Variants in TIMM23 observed in about 807,000 individuals in gnomAD.
The protein encoded by TIMM23 is mitochondrial import inner membrane translocase subunit Tim23.
TIMM23 carries 19 observed loss-of-function variants against 30.7 expected under a neutral mutation model. The ratio of observed to expected loss-of-function variants is 0.62; its 90% CI spans 0.43 to 0.91. The LOEUF (loss-of-function observed/expected upper bound fraction) is 0.91. Ranked by LOEUF, TIMM23 falls within the 40% of genes least tolerant of loss-of-function variation. The pLI, the probability that TIMM23 is intolerant of heterozygous loss-of-function variation, is 0.00. For missense variants in TIMM23, 202 were observed against 269.2 expected (o/e 0.75, Z 1.75); for synonymous variants, 78 against 98.5 (o/e 0.79, Z 1.23).
In TIMM23 at chr10:45,982,920, A is replaced by G. The variant is rs61849498; in HGVS notation, c.334A>G (p.Arg112Gly). Residue 112 changes from arginine to glycine, a missense_variant, in exon 4 of 7, where the codon AGA (arginine) becomes GGA (glycine). Arg to Gly is a moderately radical substitution (Grantham distance 125). Coordinates refer to ENST00000580018, the MANE Select transcript of TIMM23 (RefSeq NM_006327.4). Reference sequence around the variant, plus strand: ...CCAGAACATGGCCTGGTCCAAACCAAGAAATGTACAGTAAGTCTCTTGTAA... The same window carrying G: ...CCAGAACATGGCCTGGTCCAAACCAGGAAATGTACAGTAAGTCTCTTGTAA... ...ETQNMAWSKP[R>G]NVQILNMVTR... The G allele has an allele frequency of 1.9e-6, 3 of 1,613,760 alleles. No individual in the cohort carries two copies. The highest frequency in any genetic ancestry group is 2.5e-6 in the Non-Finnish European group (3 of 1,179,822).
intron 4 of TIMM23, among the ~76,000 whole-genome samples, chr10:45,983,706 T>C (rs1837915873): frequency 6.6e-6 from 1 of 152,194 alleles, no homozygotes; most frequent in African/African-American, 2.4e-5. Flanking sequence ...GCACCAGATG[T>C]GCTAGAATTA....
intron 6 of TIMM23, chr10:45,992,470 A>G (rs1235814346): frequency 2.2e-6 from 1 of 455,770 alleles, no homozygotes; most frequent in Non-Finnish European, 4.4e-6. Context: ...AGAATTGTGA[A>G]ACTTAACTCT....
intron 5 of TIMM23, among the ~76,000 whole-genome samples, chr10:45,988,109 G>A (rs1316392079): frequency 2.0e-5 from 3 of 152,072 alleles, no homozygotes; most frequent in Non-Finnish European, 2.9e-5. Flanking sequence ...AAAGTCCTCC[G>A]ACCCCATCCA....
rs1837644433 is a variant in TIMM23 at position 45,975,509 on chromosome 10, G to A, written c.162G>A (p.Val54=). Residue 54 remains valine (V), a synonymous_variant, in exon 2 of 7, where the codon GTG becomes GTA. Coordinates refer to ENST00000580018, the MANE Select transcript of TIMM23 (RefSeq NM_006327.4). ...TAAATGTGGATCCACGATACCTCGT[G>A]CAGGTAAGATTAAGATTTTACTAGT... ...PYLNVDPRYL[V]QDTDEFILPT... is the part of the protein sequence containing the mutation. 8 of 1,613,888 alleles carry A rather than the reference G, an allele frequency of 5.0e-6. No individual in the cohort carries two copies. Among genetic ancestry groups the A allele is most frequent in the Non-Finnish European group, 6.8e-6 (8 of 1,179,840 alleles).
At chr10:45,984,720 T>C in intron 4 of TIMM23, 1 of 365,356 alleles carries the variant, frequency 2.7e-6, no homozygotes, top group South Asian at 2.4e-5. Flanking sequence ...TCTGGTGGTG[T>C]CTGGCACTGG....
chr10:46,000,880 A>T (rs1408876436), intron 6 of TIMM23, among the ~76,000 whole-genome samples: 2 of 152,248 alleles, frequency 1.3e-5, no homozygotes, highest in Non-Finnish European at 2.9e-5. Context: ...GACAAACAGC[A>T]GTGAGGGCAC....
At chr10:46,003,166 A>G in intron 6 of TIMM23, 37 bp from the exon 7 acceptor site, 3 of 1,505,264 alleles carry the variant, frequency 2.0e-6, no homozygotes, top group Non-Finnish European at 2.8e-6. Flanking sequence ...TATGCAATAT[A>G]CAGCTATTTC....
At chr10:45,972,847 A>G in intron 1 of TIMM23, 117 bp downstream of exon 1, 1 of 1,534,744 alleles carries the variant, frequency 6.5e-7, no homozygotes, top group Non-Finnish European at 8.8e-7. Context: ...TTACAAGCTT[A>G]AGTACCAGTG....
intron 6 of TIMM23, 36 bp from the exon 7 acceptor site, chr10:46,003,167 C>A: frequency 6.6e-7 from 1 of 1,509,220 alleles, no homozygotes; most frequent in Non-Finnish European, 9.2e-7. Context: ...ATGCAATATA[C>A]AGCTATTTCA....
intron 2 of TIMM23, among the ~76,000 whole-genome samples, chr10:45,978,778 C>T (rs1590112170): frequency 6.6e-6 from 1 of 151,924 alleles, no homozygotes; most frequent in African/African-American, 2.4e-5. Flanking sequence ...GGCAATTTCA[C>T]TTGCGTATAC....
chr10:45,988,631 T>C (rs1348253061), intron 5 of TIMM23, 106 bp from the exon 6 acceptor site: 8 of 770,108 alleles, frequency 1.0e-5, no homozygotes, highest in African/African-American at 1.7e-5. Flanking sequence ...TAGGAAGGGC[T>C]ATGGGAGTTA....
Position 45,972,538 on chromosome 10 carries a change from G to T in TIMM23, c.-87G>T. 2.7e-6 allele frequency: 4 copies of T among 1,507,528 alleles called. No homozygotes were observed. The highest frequency in any genetic ancestry group is 2.3e-5 in the Admixed American group (1 of 44,430). 93.4% of individuals were successfully genotyped at this position (1,507,528 alleles called of 1,614,324 possible). On this transcript the variant is annotated 5_prime_UTR_variant, in exon 1 of 7. Coordinates refer to ENST00000580018, the MANE Select transcript of TIMM23 (RefSeq NM_006327.4). Reference sequence around the variant, plus strand: ...GTGAAGTAGGCGCTGGCAACGCGGGGTTACCCGCTGTTATTGAGGAGTAAC... The same window carrying T: ...GTGAAGTAGGCGCTGGCAACGCGGGTTTACCCGCTGTTATTGAGGAGTAAC...
intron 6 of TIMM23, among the ~76,000 whole-genome samples, chr10:45,993,153 A>C (rs1298781650): frequency 6.6e-6 from 1 of 151,604 alleles, no homozygotes; most frequent in Non-Finnish European, 1.5e-5. Context: ...TTACTTGAGC[A>C]AATTATCTGC....
At chr10:45,985,617 A>AT (rs1837968893) in intron 5 of TIMM23, among the ~76,000 whole-genome samples, 176 bp downstream of exon 5, 1 of 152,208 alleles carries the variant, frequency 6.6e-6, no homozygotes. Flanking sequence ...TTATGAAATA[A>AT]TCTCAGGTGC....
intron 6 of TIMM23, among the ~76,000 whole-genome samples, chr10:45,999,579 A>G (rs587717977): frequency 0.02 from 2,978 of 152,220 alleles, 95 homozygotes; most frequent in African/African-American, 0.069. Context: ...GACATCAAGT[A>G]CTTCACAAGG....
Position 45,988,558 on chromosome 10 carries a change from C to G in TIMM23, c.404-179C>G, listed in dbSNP as rs1233571610. Among the ~76,000 whole-genome samples the G allele has an allele frequency of 2.3e-3, 347 of 152,234 alleles. 4 individuals carry two copies. The highest frequency in any genetic ancestry group is 8.0e-3 in the African/African-American group (331 of 41,554). ...GACCTTCACCTTTGTCCCTCTGAAG[C>G]TGTTCCAAAGCTGATTCCAGAACCA... On this transcript the variant is annotated intron_variant, in intron 5 of 6. Transcript: ENST00000580018.
intron 6 of TIMM23, chr10:45,992,539 A>C: frequency 2.3e-6 from 1 of 431,694 alleles, no homozygotes; most frequent in South Asian, 1.7e-5. Flanking sequence ...GTAGCAATCA[A>C]AATCCAATTA....
chr10:45,973,675 G>C (rs1452144834), intron 1 of TIMM23, among the ~76,000 whole-genome samples: 1 of 152,082 alleles, frequency 6.6e-6, no homozygotes, highest in Admixed American at 6.6e-5. Context: ...TCAGGACCTC[G>C]TTCTGTCACC....
intron 1 of TIMM23, among the ~76,000 whole-genome samples, chr10:45,974,595 T>A (rs1837609162): frequency 6.6e-6 from 1 of 152,206 alleles, no homozygotes; most frequent in South Asian, 2.1e-4. Flanking sequence ...GAGTTTCGAT[T>A]TTCTTAAGAC....
Sources: allele counts gnomAD v4.1 joint callset (sites outside exome capture counted in the v4.1 genomes callset), GRCh38; gene constraint gnomAD v4.1.1; transcripts MANE v1.5; gene names NCBI Gene and HGNC (gene_info 2026-07-23, HGNC 2026-07-21).